RAB27B: variants seen among roughly 807,000 people sequenced by gnomAD.
The protein encoded by RAB27B is RAB27B, member RAS oncogene family.
A neutral mutation model predicts 24.6 loss-of-function variants in RAB27B; 15 were observed. The observed-to-expected ratio is 0.61, with a 90% CI of 0.41 to 0.94. RAB27B has a LOEUF of 0.94. RAB27B is among the 40% of genes least tolerant of loss of function. The pLI, the probability that RAB27B is intolerant of heterozygous loss-of-function variation, is 0.00. For synonymous variants in RAB27B, 105 were observed against 92.5 expected (o/e 1.14, Z -0.78); for missense variants, 261 against 266.8 (o/e 0.98, Z 0.15).
intron 1 of RAB27B, among the ~76,000 whole-genome samples, chr18:54,856,480 G>C (rs1459077453): frequency 1.3e-5 from 2 of 152,234 alleles, no homozygotes; most frequent in Non-Finnish European, 2.9e-5. Flanking sequence ...GTCTGACTTA[G>C]ATTTTTAAAA....
At chr18:54,864,841 C>T (rs769130356) in intron 1 of RAB27B, among the ~76,000 whole-genome samples, 5 of 152,096 alleles carry the variant, frequency 3.3e-5, no homozygotes, top group Non-Finnish European at 5.9e-5. Context: ...TATAAGTCCT[C>T]CAACTTTATT....
intron 2 of RAB27B, among the ~76,000 whole-genome samples, chr18:54,822,334 A>G (rs1022007868): frequency 6.6e-6 from 1 of 152,244 alleles, no homozygotes; most frequent in Non-Finnish European, 1.5e-5. Context: ...AGATGATTTA[A>G]TAATCATTCC....
intron 2 of RAB27B, among the ~76,000 whole-genome samples, chr18:54,793,267 C>A (rs1909310835): frequency 6.6e-6 from 1 of 152,114 alleles, no homozygotes; most frequent in African/African-American, 2.4e-5. Flanking sequence ...AAAACAGAAA[C>A]AGAATTCGTT....
At chr18:54,763,278 C>T (rs1908250270) in intron 2 of RAB27B, among the ~76,000 whole-genome samples, 1 of 151,972 alleles carries the variant, frequency 6.6e-6, no homozygotes, top group South Asian at 2.1e-4. Context: ...TTAATAAATT[C>T]ATCATTTTAT....
chr18:54,726,208 T>C (rs1399375458), intron 2 of RAB27B, among the ~76,000 whole-genome samples: 1 of 151,548 alleles, frequency 6.6e-6, no homozygotes, highest in Non-Finnish European at 1.5e-5. Flanking sequence ...GCCTATCGTA[T>C]TTTAAATAAA....
chr18:54,719,657 C>A (rs1909297173), intron 2 of RAB27B, among the ~76,000 whole-genome samples: 1 of 151,884 alleles, frequency 6.6e-6, no homozygotes, highest in African/African-American at 2.4e-5. Flanking sequence ...AGTTTCTGGG[C>A]AAAAGTAATT....
intron 2 of RAB27B, among the ~76,000 whole-genome samples, chr18:54,800,979 T>C (rs1909582269): frequency 6.6e-6 from 1 of 151,172 alleles, no homozygotes; most frequent in Non-Finnish European, 1.5e-5. Flanking sequence ...TTTGGAGTTG[T>C]TGAATTTTTA....
intron 2 of RAB27B, among the ~76,000 whole-genome samples, chr18:54,784,723 C>T (rs1376601083): frequency 6.6e-6 from 1 of 152,128 alleles, no homozygotes; most frequent in African/African-American, 2.4e-5. Flanking sequence ...TGTCGATAGG[C>T]ACCTGGGTTG....
At chr18:54,738,431 G>A (rs765992399) in intron 2 of RAB27B, among the ~76,000 whole-genome samples, 4 of 152,046 alleles carry the variant, frequency 2.6e-5, no homozygotes, top group Non-Finnish European at 4.4e-5. Flanking sequence ...ATCAGTTCTC[G>A]TGAGATCTGA....
intron 1 of RAB27B, among the ~76,000 whole-genome samples, chr18:54,846,996 G>A (rs1434849413): frequency 1.3e-5 from 2 of 152,128 alleles, no homozygotes; most frequent in South Asian, 2.1e-4. Flanking sequence ...GATTATAGGT[G>A]CCCGCCACCA....
At chr18:54,860,192 G>A (rs564155020) in intron 1 of RAB27B, among the ~76,000 whole-genome samples, 153 of 152,170 alleles carry the variant, frequency 1.0e-3, no homozygotes, top group African/African-American at 3.6e-3. Context: ...ACATACTCGC[G>A]ACTGCAGATA....
rs576004766 is a variant in RAB27B at position 54,798,779 on chromosome 18, ATTATT to A, written c.-19-78786_-19-78782del. ...ATGTACTAGTTGAACACTAAATACAATTATTTATTTATGACTTATTTTCATTCATG... is the reference window on the plus strand; with the variant it reads ...ATGTACTAGTTGAACACTAAATACAATATTTATGACTTATTTTCATTCATG... On this transcript the variant is annotated intron_variant, in intron 2 of 4. Coordinates refer to the RAB27B transcript ENST00000586570. Among the ~76,000 whole-genome samples the A allele has an allele frequency of 3.3e-5, 5 of 152,354 alleles. No homozygotes were observed. The South Asian group carries it at 8.3e-4, about 25-fold the overall frequency.
intron 2 of RAB27B, among the ~76,000 whole-genome samples, chr18:54,810,881 T>TAAATAAGA (rs1264034586): frequency 7.0e-6 from 1 of 143,100 alleles, no homozygotes; most frequent in Non-Finnish European, 1.5e-5. Context: ...AATAAATAAA[T>TAAATAAGA]AAGAAAACCT....
At chr18:54,739,548 C>T (rs568182259) in intron 2 of RAB27B, among the ~76,000 whole-genome samples, 11 of 140,566 alleles carry the variant, frequency 7.8e-5, no homozygotes, top group African/African-American at 3.0e-4. Context: ...TTCTTTTTTT[C>T]TTTCTTTTTT....
intron 1 of RAB27B, among the ~76,000 whole-genome samples, chr18:54,867,502 A>G (rs1329450777): frequency 7.5e-6 from 1 of 132,894 alleles, no homozygotes; most frequent in East Asian, 2.2e-4. Flanking sequence ...AATGGAGTGC[A>G]GTGACGCTAT....
At chr18:54,796,129 G>A (rs1909410447) in intron 2 of RAB27B, among the ~76,000 whole-genome samples, 1 of 152,126 alleles carries the variant, frequency 6.6e-6, no homozygotes, top group Admixed American at 6.5e-5. Flanking sequence ...GACAGGGGTG[G>A]CTCGCTCCTT....
intron 2 of RAB27B, among the ~76,000 whole-genome samples, chr18:54,815,403 T>C (rs1910090978): frequency 6.6e-6 from 1 of 152,200 alleles, no homozygotes; most frequent in Non-Finnish European, 1.5e-5. Flanking sequence ...AGACATCATC[T>C]TACCTCATTG....
intron 2 of RAB27B, among the ~76,000 whole-genome samples, chr18:54,793,511 A>G (rs1268694756): frequency 1.3e-5 from 2 of 152,218 alleles, no homozygotes; most frequent in Non-Finnish European, 2.9e-5. Context: ...TGTCCTTTTC[A>G]CATGGTTTTC....
intron 3 of RAB27B, 94 bp from the exon 4 acceptor site, chr18:54,884,239 G>A (rs1913040856): frequency 1.3e-6 from 1 of 745,140 alleles, no homozygotes; most frequent in Non-Finnish European, 2.3e-6. Flanking sequence ...GCCAGTCACG[G>A]AGAATTCATA....
Sources: allele counts gnomAD v4.1 joint callset (sites outside exome capture counted in the v4.1 genomes callset), GRCh38; gene constraint gnomAD v4.1.1; transcripts MANE v1.5; gene names NCBI Gene and HGNC (gene_info 2026-07-23, HGNC 2026-07-21).